Variants in CLDN10 observed in about 807,000 individuals in gnomAD.
The protein encoded by CLDN10 is claudin-10.
A neutral mutation model predicts 22.9 loss-of-function variants in CLDN10; 15 were observed. The ratio of observed to expected loss-of-function variants is 0.65; its 90% confidence interval spans 0.44 to 1.01. The LOEUF is 1.01. CLDN10 is among the 50% of genes least tolerant of loss of function. The pLI is 0.00. For missense variants in CLDN10, 247 were observed against 287.8 expected (o/e 0.86, Z 1.03); for synonymous variants, 114 against 111.4 (o/e 1.02, Z -0.15).
chr13:95,490,192 G>T (rs1594558393), intron 1 of CLDN10, among the ~76,000 whole-genome samples: 1 of 152,174 alleles, frequency 6.6e-6, no homozygotes, highest in Non-Finnish European at 1.5e-5. Context: ...TCCTGGTTTG[G>T]CTATGTGGGC....
At chr13:95,512,694 G>A (rs2043117760) in intron 1 of CLDN10, among the ~76,000 whole-genome samples, 1 of 152,098 alleles carries the variant, frequency 6.6e-6, no homozygotes, top group South Asian at 2.1e-4. Flanking sequence ...CCACCACGCT[G>A]GCCATGCTTT....
At chr13:95,555,043 T>C (rs868418952) in intron 1 of CLDN10, among the ~76,000 whole-genome samples, 2 of 117,814 alleles carry the variant, frequency 1.7e-5, no homozygotes, top group Non-Finnish European at 1.7e-5. Context: ...TCTGTGTTAA[T>C]CCAGTTTTTT....
intron 1 of CLDN10, among the ~76,000 whole-genome samples, chr13:95,517,223 TC>T (rs1253640431): frequency 6.6e-6 from 1 of 152,066 alleles, no homozygotes; most frequent in East Asian, 1.9e-4. Context: ...CTCTCTCCTT[TC>T]TTCTTTCTTC....
intron 1 of CLDN10, among the ~76,000 whole-genome samples, chr13:95,465,197 C>T (rs2042572215): frequency 6.6e-6 from 1 of 152,126 alleles, no homozygotes; most frequent in Non-Finnish European, 1.5e-5. Flanking sequence ...CCTTATTAAA[C>T]CATCAGATCT....
intron 1 of CLDN10, among the ~76,000 whole-genome samples, chr13:95,483,996 A>T (rs1178846588): frequency 6.6e-6 from 1 of 152,154 alleles, no homozygotes; most frequent in Non-Finnish European, 1.5e-5. Context: ...CCACATGAGG[A>T]TACAGTAAGA....
intron 1 of CLDN10, among the ~76,000 whole-genome samples, chr13:95,545,468 T>C (rs904376038): frequency 6.6e-6 from 1 of 151,858 alleles, no homozygotes; most frequent in Non-Finnish European, 1.5e-5. Context: ...ACCCGGAAGG[T>C]GGAGGTTGCG....
intron 1 of CLDN10, among the ~76,000 whole-genome samples, chr13:95,534,346 GA>G: frequency 6.6e-6 from 1 of 152,066 alleles, no homozygotes; most frequent in Non-Finnish European, 1.5e-5. Context: ...ATAAATTTAA[GA>G]AAAGATTTGT....
chr13:95,547,415 A>T (rs2043521260), intron 1 of CLDN10, among the ~76,000 whole-genome samples: 1 of 152,174 alleles, frequency 6.6e-6, no homozygotes. Context: ...TACTGCTGTT[A>T]GCCTAACCGA....
intron 1 of CLDN10, among the ~76,000 whole-genome samples, chr13:95,516,987 C>G (rs1349066598): frequency 1.3e-4 from 8 of 62,328 alleles, no homozygotes; most frequent in Non-Finnish European, 2.9e-4. Context: ...TCCTTCCTTC[C>G]TTCCTTCCTT....
At chr13:95,525,314 A>G (rs1432320659) in intron 1 of CLDN10, among the ~76,000 whole-genome samples, 1 of 152,166 alleles carries the variant, frequency 6.6e-6, no homozygotes, top group Non-Finnish European at 1.5e-5. Context: ...TGTCTATTCA[A>G]GTCCTTTGTC....
rs540840721 is a variant in CLDN10 at position 95,487,648 on chromosome 13, C to T, written c.214+53601C>T. On this transcript the variant is annotated intron_variant, in intron 1 of 4. Coordinates refer to the CLDN10 transcript ENST00000376873. ...CATGGACAATGTTGTCACATCTGTA[C>T]TCCCATTCCCTATGGTTCTAAGTTT... Among the ~76,000 whole-genome samples the T allele has an allele frequency of 2.6e-5, 4 of 152,286 alleles. No homozygotes were observed. The East Asian group carries it at 7.7e-4, about 29-fold the overall frequency.
intron 1 of CLDN10, among the ~76,000 whole-genome samples, chr13:95,489,856 G>A (rs536973811): frequency 6.6e-6 from 1 of 152,258 alleles, no homozygotes; most frequent in South Asian, 2.1e-4. Context: ...TCAGGTCTTA[G>A]GTTTAAGTCC....
chr13:95,446,923 A>T (rs1257656215), intron 1 of CLDN10, among the ~76,000 whole-genome samples: 1 of 152,220 alleles, frequency 6.6e-6, no homozygotes, highest in Non-Finnish European at 1.5e-5. Flanking sequence ...GGTCCTAAGA[A>T]GCCCACAGTG....
rs1219762768 is a variant in CLDN10 at position 95,471,418 on chromosome 13, TACAC to T, written c.214+37391_214+37394del. On this transcript the variant is annotated intron_variant, in intron 1 of 4. Transcript: ENST00000376873. ...ACATGTATATATACACACACACATA[TACAC>T]ACACACACACACACACACATATATA... Among the ~76,000 whole-genome samples, 229 of 106,464 alleles carry T rather than the reference TACAC, an allele frequency of 2.2e-3. 1 individual carries two copies. The highest frequency in any genetic ancestry group is 4.8e-3 in the African/African-American group (135 of 27,876). 69.8% of individuals were successfully genotyped at this position (106,464 alleles called of 152,430 possible). A position where few individuals can be genotyped will look rare whatever the true frequency, so the allele number is the denominator to read the frequency against.
In CLDN10 at chr13:95,539,149, G is replaced by A. The variant is rs1013211455; in HGVS notation, c.215-20983G>A. ...CCACCTTGGCCTCCCAAAGTGCTGG[G>A]ATTACAGGCGTGAGCCACCGTGCCC... On this transcript the variant is annotated intron_variant, in intron 1 of 4. Coordinates refer to the CLDN10 transcript ENST00000376873. 9.9e-5 allele frequency among the ~76,000 whole-genome samples: 15 copies of A among 152,150 alleles called. No individual in the cohort carries two copies. The South Asian group carries it at 1.5e-3, about 15-fold the overall frequency.
At chr13:95,502,114 G>A (rs758587131) in intron 1 of CLDN10, among the ~76,000 whole-genome samples, 5 of 152,088 alleles carry the variant, frequency 3.3e-5, no homozygotes, top group African/African-American at 9.6e-5. Context: ...TTTTACTTCC[G>A]CACATGTTAA....
intron 1 of CLDN10, among the ~76,000 whole-genome samples, chr13:95,537,287 G>C (rs1418450880): frequency 6.6e-6 from 1 of 152,058 alleles, no homozygotes; most frequent in African/African-American, 2.4e-5. Flanking sequence ...GTTTTGGGGG[G>C]GTTGTTGGTT....
Position 95,578,651 on chromosome 13 carries a change from T to G in CLDN10, c.*637T>G, listed in dbSNP as rs772351243. ...ACATGCCCATGGCCACTCAGTAGATTGTTGAAAAAGCAAAGCCACACCATT... is the reference window on the plus strand; with the variant it reads ...ACATGCCCATGGCCACTCAGTAGATGGTTGAAAAAGCAAAGCCACACCATT... On this transcript the variant is annotated 3_prime_UTR_variant, in exon 5 of 5. Coordinates refer to ENST00000299339, the MANE Select transcript of CLDN10 (RefSeq NM_006984.5). The G allele has an allele frequency of 6.6e-6, 1 of 152,230 alleles. No individual in the cohort carries two copies. Among genetic ancestry groups the G allele is most frequent in the Non-Finnish European group, 1.5e-5 (1 of 68,050 alleles). 9.4% of individuals were successfully genotyped at this position (152,230 alleles called of 1,614,324 possible).
At chr13:95,508,330 G>A (rs2043059472) in intron 1 of CLDN10, among the ~76,000 whole-genome samples, 1 of 152,178 alleles carries the variant, frequency 6.6e-6, no homozygotes, top group South Asian at 2.1e-4. Flanking sequence ...AAGGCCACCT[G>A]TCTAAGAATG....
Sources: allele counts gnomAD v4.1 joint callset (sites outside exome capture counted in the v4.1 genomes callset), GRCh38; gene constraint gnomAD v4.1.1; transcripts MANE v1.5; gene names NCBI Gene and HGNC (gene_info 2026-07-23, HGNC 2026-07-21).